The following WWOX variants were observed in gnomAD, a reference collection of about 807,000 sequenced individuals.
WWOX encodes WW domain-containing oxidoreductase.
A neutral mutation model predicts 46.2 loss-of-function variants in WWOX; 69 were observed. The ratio of observed to expected loss-of-function variants is 1.49; its 90% CI spans 1.23 to 1.82. WWOX has a LOEUF of 1.82. Ranked by LOEUF, WWOX falls within the 40% of genes most tolerant of loss-of-function variation. The probability of loss-of-function intolerance (pLI) is 0.00; values close to 1 mark genes in which losing one functional copy is unlikely to be tolerated. For synonymous variants in WWOX, 359 were observed against 202.6 expected (o/e 1.77, Z -6.56); for missense variants, 919 against 542.6 (o/e 1.69, Z -6.89).
intron 8 of WWOX, among the ~76,000 whole-genome samples, chr16:78,771,435 A>C (rs1410525557): frequency 6.6e-6 from 1 of 152,194 alleles, no homozygotes; most frequent in Non-Finnish European, 1.5e-5. Context: ...TGGTTGTTCA[A>C]CATCATGAGT....
At chr16:78,264,365 A>G (rs757345472) in intron 5 of WWOX, 12 of 151,910 alleles carry the variant, frequency 7.9e-5, no homozygotes, top group Admixed American at 3.3e-4. Flanking sequence ...AGCCTTTTCC[A>G]TTGTCTCCCC....
intron 8 of WWOX, among the ~76,000 whole-genome samples, chr16:78,647,827 AG>A (rs1333342318): frequency 3.3e-5 from 5 of 152,364 alleles, no homozygotes; most frequent in African/African-American, 1.2e-4. Context: ...GGTTATGTCA[AG>A]TGGAATATTT....
At chr16:78,825,598 A>T (rs1367229777) in intron 8 of WWOX, 2 of 531,178 alleles carry the variant, frequency 3.8e-6, no homozygotes, top group Admixed American at 2.0e-5. Context: ...CTGCAGTACA[A>T]ACTCCTAGGA....
intron 8 of WWOX, among the ~76,000 whole-genome samples, chr16:78,477,948 A>G (rs2084391906): frequency 6.6e-6 from 1 of 152,210 alleles, no homozygotes; most frequent in Non-Finnish European, 1.5e-5. Context: ...GTGTATTAGA[A>G]TTACCAGGGG....
chr16:79,128,826 G>C (rs753110526), intron 8 of WWOX, among the ~76,000 whole-genome samples: 1 of 152,138 alleles, frequency 6.6e-6, no homozygotes, highest in Non-Finnish European at 1.5e-5. Flanking sequence ...TTCACAATGG[G>C]ACTAGAACAC....
At chr16:78,333,467 ATACT>A (rs2151893943) in intron 5 of WWOX, among the ~76,000 whole-genome samples, 1 of 152,274 alleles carries the variant, frequency 6.6e-6, no homozygotes, top group South Asian at 2.1e-4. Context: ...TTCTGATGTA[ATACT>A]TAGTTTAACT....
At chr16:78,744,118 C>T (rs749046048) in intron 8 of WWOX, among the ~76,000 whole-genome samples, 8 of 152,074 alleles carry the variant, frequency 5.3e-5, no homozygotes, top group South Asian at 2.1e-4. Context: ...ACCACAGCAG[C>T]GTGTGCTCTG....
chr16:78,940,243 A>G (rs948309199), intron 8 of WWOX, among the ~76,000 whole-genome samples: 2 of 152,238 alleles, frequency 1.3e-5, no homozygotes, highest in South Asian at 2.1e-4. Flanking sequence ...TAGAAATAGA[A>G]TACGGAGTAT....
chr16:78,428,197 A>C (rs1474117874), intron 7 of WWOX, among the ~76,000 whole-genome samples: 1 of 152,252 alleles, frequency 6.6e-6, no homozygotes, highest in African/African-American at 2.4e-5. Flanking sequence ...TTAATGTACT[A>C]GTAAGGGAAA....
chr16:78,773,269 G>A (rs1466059480), intron 8 of WWOX, among the ~76,000 whole-genome samples: 1 of 152,118 alleles, frequency 6.6e-6, no homozygotes, highest in African/African-American at 2.4e-5. Flanking sequence ...CACACCCCAT[G>A]TTCCTTCTAC....
chr16:78,758,302 C>A (rs2049707119), intron 8 of WWOX, among the ~76,000 whole-genome samples: 1 of 152,034 alleles, frequency 6.6e-6, no homozygotes, highest in African/African-American at 2.4e-5. Flanking sequence ...TCTCTTTGGG[C>A]AAATGGAAGA....
At chr16:79,060,267 G>A (rs1238817606) in intron 8 of WWOX, among the ~76,000 whole-genome samples, 1 of 152,198 alleles carries the variant, frequency 6.6e-6, no homozygotes, top group African/African-American at 2.4e-5. Flanking sequence ...TTTGGAAATT[G>A]CAAAAATACT....
intron 8 of WWOX, among the ~76,000 whole-genome samples, chr16:79,153,134 T>G (rs573070833): frequency 5.9e-5 from 9 of 152,114 alleles, no homozygotes; most frequent in Admixed American, 3.3e-4. Context: ...GCTTGCTATA[T>G]TTTTCATTCA....
chr16:78,587,927 C>T (rs1370042882), intron 8 of WWOX, among the ~76,000 whole-genome samples: 1 of 152,190 alleles, frequency 6.6e-6, no homozygotes, highest in African/African-American at 2.4e-5. Context: ...ATCAAGCGGG[C>T]CTCCCCATTG....
At chr16:78,951,959 C>A (rs1485167551) in intron 8 of WWOX, among the ~76,000 whole-genome samples, 1 of 152,138 alleles carries the variant, frequency 6.6e-6, no homozygotes, top group Non-Finnish European at 1.5e-5. Context: ...GCAAAGTGAT[C>A]TTTTTGAGAC....
chr16:78,867,549 GTTTTT>G (rs1257095467), intron 8 of WWOX, among the ~76,000 whole-genome samples: 2 of 148,920 alleles, frequency 1.3e-5, no homozygotes, highest in African/African-American at 2.5e-5. Context: ...GTGTGTTTTT[GTTTTT>G]TTTTAAGACG....
At chr16:79,041,727 C>G (rs2656613) in intron 8 of WWOX, among the ~76,000 whole-genome samples, 36,081 of 151,998 alleles carry the variant, frequency 0.24, 4,427 homozygotes, top group African/African-American at 0.3. Flanking sequence ...CAAAACTGGA[C>G]CTTTCATGGA....
chr16:78,242,525 A>G (rs761140376), intron 5 of WWOX, among the ~76,000 whole-genome samples: 5 of 152,208 alleles, frequency 3.3e-5, no homozygotes, highest in Non-Finnish European at 7.3e-5. Context: ...ACCAAATGTA[A>G]CATTCCATTG....
In WWOX at chr16:78,320,507, C is replaced by G. The variant is rs113035099; in HGVS notation, c.517-66353C>G. On this transcript the variant is annotated intron_variant, in intron 5 of 8. Transcript: ENST00000566780. Reference sequence around the variant, plus strand: ...AATTCATACTGATAAAATAAATCCCCGTAAGAGCATTATTCCCCAAAGTGG... The same window carrying G: ...AATTCATACTGATAAAATAAATCCCGGTAAGAGCATTATTCCCCAAAGTGG... Among the ~76,000 whole-genome samples, 937 of 152,232 alleles carry G rather than the reference C, an allele frequency of 6.2e-3. 13 individuals are homozygous for G. Among genetic ancestry groups the G allele is most frequent in the African/African-American group, 0.021 (891 of 41,556 alleles).
Sources: gnomAD v4.1 joint callset for allele counts (sites outside exome capture counted in the v4.1 genomes callset) on GRCh38, gnomAD v4.1.1 for gene constraint, MANE v1.5 for transcripts, NCBI Gene and HGNC (gene_info 2026-07-23, HGNC 2026-07-21) for gene names.